RNGTT: variants seen among roughly 807,000 people sequenced by gnomAD.
RNGTT encodes RNA guanylyltransferase and 5'-phosphatase, also known as mRNA-capping enzyme.
RNGTT carries 33 observed loss-of-function variants against 79.3 expected under a neutral mutation model. The observed-to-expected ratio is 0.42, with a 90% CI of 0.32 to 0.56. The LOEUF is 0.56. Ranked by LOEUF, RNGTT falls within the 20% of genes least tolerant of loss-of-function variation. The probability of loss-of-function intolerance (pLI) is 0.17; values close to 1 mark genes in which losing one functional copy is unlikely to be tolerated. For missense variants in RNGTT, 497 were observed against 739.1 expected (o/e 0.67, Z 3.80); for synonymous variants, 222 against 235.9 (o/e 0.94, Z 0.54).
In RNGTT at chr6:88,758,829, C is replaced by T. The variant is rs116001218; in HGVS notation, c.1439+10945G>A. Among the ~76,000 whole-genome samples, 684 of 152,228 alleles carry T rather than the reference C, an allele frequency of 4.5e-3. 2 individuals are homozygous for T. The highest frequency in any genetic ancestry group is 0.016 in the African/African-American group (647 of 41,534). ...ATCTTATAAAAATTTCCCTCCCAGACTTAGCATCCATTGATTATTCTTTTT... is the reference window on the plus strand; with the variant it reads ...ATCTTATAAAAATTTCCCTCCCAGATTTAGCATCCATTGATTATTCTTTTT... On this transcript the variant is annotated intron_variant, in intron 13 of 15. Coordinates refer to ENST00000369485, the MANE Select transcript of RNGTT (RefSeq NM_003800.5).
intron 13 of RNGTT, among the ~76,000 whole-genome samples, chr6:88,694,931 G>T (rs1775608268): frequency 6.6e-6 from 1 of 151,992 alleles, no homozygotes; most frequent in Non-Finnish European, 1.5e-5. Flanking sequence ...CCCTGCTCTG[G>T]ACTTCTCAGC....
intron 12 of RNGTT, among the ~76,000 whole-genome samples, chr6:88,795,283 A>G (rs904605294): frequency 2.0e-5 from 3 of 152,204 alleles, no homozygotes; most frequent in African/African-American, 7.2e-5. Context: ...TCTCTTCAAC[A>G]CTATCAACAT....
intron 13 of RNGTT, among the ~76,000 whole-genome samples, chr6:88,682,830 T>C (rs1043653397): frequency 6.6e-6 from 1 of 152,124 alleles, no homozygotes; most frequent in Non-Finnish European, 1.5e-5. Flanking sequence ...ATCAATAACA[T>C]ATAAGTAACC....
chr6:88,933,538 T>G (rs1171401477), intron 2 of RNGTT, among the ~76,000 whole-genome samples: 2 of 152,076 alleles, frequency 1.3e-5, no homozygotes, highest in Non-Finnish European at 2.9e-5. Flanking sequence ...TGGAATGTAG[T>G]AGCACAATCA....
At chr6:88,894,375 G>A (rs1562307003) in intron 6 of RNGTT, among the ~76,000 whole-genome samples, 1 of 152,120 alleles carries the variant, frequency 6.6e-6, no homozygotes, top group Non-Finnish European at 1.5e-5. Flanking sequence ...ATGGATAAAA[G>A]AGAACAATCA....
In RNGTT at chr6:88,886,295, C is replaced by T. The variant is rs573446416; in HGVS notation, c.896+4200G>A. Among the ~76,000 whole-genome samples the T allele has an allele frequency of 4.9e-3, 726 of 147,194 alleles. 2 individuals carry two copies. Among genetic ancestry groups the T allele is most frequent in the African/African-American group, 0.018 (688 of 38,556 alleles). ...TACTCCAGCCTGGGCAACAGCGAGA[C>T]TCCGTCTCAAAAAAAAAAAGAATTA... On this transcript the variant is annotated intron_variant, in intron 8 of 15. Transcript: ENST00000369485.
intron 14 of RNGTT, among the ~76,000 whole-genome samples, chr6:88,637,194 T>C (rs550084929): frequency 6.6e-6 from 1 of 152,168 alleles, no homozygotes; most frequent in Non-Finnish European, 1.5e-5. Context: ...AGTATGATGA[T>C]ATATCACATA....
intron 13 of RNGTT, among the ~76,000 whole-genome samples, chr6:88,698,313 A>C (rs1394884981): frequency 7.4e-6 from 1 of 134,428 alleles, no homozygotes; most frequent in Non-Finnish European, 1.5e-5. Flanking sequence ...AAATATATAT[A>C]TGAAATATAT....
chr6:88,612,751 G>C lies in RNGTT; in HGVS notation c.1762C>G (p.Pro588Ala), dbSNP rs1456852971. Reference sequence around the variant, plus strand: ...AAAGGGCGTGGTCTTTTGGGAGGTGGTGGTGGCATGAGCTCCGTGTCAGGG... The same window carrying C: ...AAAGGGCGTGGTCTTTTGGGAGGTGCTGGTGGCATGAGCTCCGTGTCAGGG... ...LDPDTELMPP[P>A]PPKRPRPLT The change falls in exon 16 of 16, where the codon CCA becomes GCA. Residue 588 changes from proline to alanine, a missense_variant. Physicochemically the swap from Pro to Ala is conservative, Grantham distance 27. Transcript: ENST00000369485. 1 of 1,613,066 alleles carries C rather than the reference G, an allele frequency of 6.2e-7. No homozygotes were observed. The highest frequency in any genetic ancestry group is 1.7e-5 in the Admixed American group (1 of 60,022).
chr6:88,657,586 C>G (rs960552648), intron 14 of RNGTT, among the ~76,000 whole-genome samples: 1 of 152,116 alleles, frequency 6.6e-6, no homozygotes, highest in African/African-American at 2.4e-5. Context: ...GAAACTGCAG[C>G]TGATGGTGCA....
chr6:88,735,616 A>G (rs1016472207), intron 13 of RNGTT, among the ~76,000 whole-genome samples: 1 of 151,732 alleles, frequency 6.6e-6, no homozygotes, highest in Admixed American at 6.6e-5. Flanking sequence ...GTCAAGAGAA[A>G]TGTTAAAATA....
chr6:88,862,313 C>A (rs1782039115), intron 8 of RNGTT, among the ~76,000 whole-genome samples: 1 of 152,094 alleles, frequency 6.6e-6, no homozygotes, highest in South Asian at 2.1e-4. Context: ...AAGTTGATCA[C>A]CAATGGTCAA....
chr6:88,669,097 G>T (rs367882282), intron 14 of RNGTT, among the ~76,000 whole-genome samples: 1 of 152,132 alleles, frequency 6.6e-6, no homozygotes, highest in East Asian at 1.9e-4. Context: ...CTGGAAGACA[G>T]GAGAAAATGT....
chr6:88,831,301 A>C (rs151280771), intron 11 of RNGTT, among the ~76,000 whole-genome samples: 62 of 152,364 alleles, frequency 4.1e-4, no homozygotes, highest in Non-Finnish European at 8.8e-4. Flanking sequence ...AAATCAATAA[A>C]TGTAATCCAT....
chr6:88,877,647 T>C (rs1159740790), intron 8 of RNGTT, among the ~76,000 whole-genome samples: 1 of 152,162 alleles, frequency 6.6e-6, no homozygotes, highest in East Asian at 1.9e-4. Context: ...CTTTTATCTG[T>C]TTCATATAGG....
In RNGTT at chr6:88,910,347, G is replaced by A. The variant is rs149360745; in HGVS notation, c.368-3907C>T. Among the ~76,000 whole-genome samples the A allele has an allele frequency of 8.5e-4, 129 of 152,122 alleles. 1 individual carries two copies. The East Asian group carries it at 0.018, about 21-fold the overall frequency. On this transcript the variant is annotated intron_variant, in intron 4 of 15. Coordinates refer to ENST00000369485, the MANE Select transcript of RNGTT (RefSeq NM_003800.5). Reference sequence around the variant, plus strand: ...ATACAATTAAAAATCTTAACAACCGGCCTTATAAGAGATGCTTAACAACAG... The same window carrying A: ...ATACAATTAAAAATCTTAACAACCGACCTTATAAGAGATGCTTAACAACAG...
At chr6:88,897,060 T>C (rs1458963057) in intron 6 of RNGTT, among the ~76,000 whole-genome samples, 1 of 152,204 alleles carries the variant, frequency 6.6e-6, no homozygotes, top group Non-Finnish European at 1.5e-5. Flanking sequence ...ATAAACTCTT[T>C]TACTGTCACT....
intron 6 of RNGTT, among the ~76,000 whole-genome samples, chr6:88,893,026 G>C (rs1397255490): frequency 3.9e-5 from 6 of 151,918 alleles, no homozygotes; most frequent in Admixed American, 3.9e-4. Flanking sequence ...AAGGATCAAA[G>C]AGTACCATCC....
At chr6:88,779,468 T>C (rs936278522) in intron 12 of RNGTT, among the ~76,000 whole-genome samples, 1 of 152,198 alleles carries the variant, frequency 6.6e-6, no homozygotes, top group Non-Finnish European at 1.5e-5. Context: ...TTTATTTATA[T>C]AACAGATATT....
Sources: allele counts gnomAD v4.1 joint callset (sites outside exome capture counted in the v4.1 genomes callset), GRCh38; gene constraint gnomAD v4.1.1; transcripts MANE v1.5; gene names NCBI Gene and HGNC (gene_info 2026-07-23, HGNC 2026-07-21).